Variants in GMDS observed in about 807,000 individuals in gnomAD.
GMDS encodes GDP-mannose 4,6-dehydratase.
Under a neutral mutation model 49.9 loss-of-function variants are expected in GMDS, and 20 were observed. The ratio of observed to expected loss-of-function variants is 0.40; its 90% CI spans 0.28 to 0.58. The LOEUF is 0.58. Among genes scored for constraint, GMDS ranks in the 20% least tolerant of loss-of-function variants. The pLI is 0.42. For missense variants in GMDS, 362 were observed against 481.4 expected (o/e 0.75, Z 2.32); for synonymous variants, 177 against 178.6 (o/e 0.99, Z 0.07).
chr6:2,067,665 A>T (rs1417221596), intron 4 of GMDS, among the ~76,000 whole-genome samples: 1 of 152,114 alleles, frequency 6.6e-6, no homozygotes, highest in African/African-American at 2.4e-5. Flanking sequence ...GAAAATCTAG[A>T]AGAAACAGAT....
intron 8 of GMDS, among the ~76,000 whole-genome samples, chr6:1,739,198 G>T (rs1418323574): frequency 6.6e-6 from 1 of 152,220 alleles, no homozygotes; most frequent in African/African-American, 2.4e-5. Flanking sequence ...GGAAAGAGGA[G>T]CGTCTTGGGT....
intron 9 of GMDS, among the ~76,000 whole-genome samples, chr6:1,699,818 G>A (rs973184035): frequency 6.6e-6 from 1 of 152,200 alleles, no homozygotes; most frequent in Non-Finnish European, 1.5e-5. Flanking sequence ...TTCCTTGGGG[G>A]TGGGGACATT....
chr6:2,243,589 G>C (rs1270594735), intron 1 of GMDS, among the ~76,000 whole-genome samples: 1 of 152,040 alleles, frequency 6.6e-6, no homozygotes, highest in East Asian at 1.9e-4. Flanking sequence ...CAAAGAGAAG[G>C]GGGAGGACAG....
chr6:1,641,410 A>G (rs1472004372), intron 9 of GMDS, among the ~76,000 whole-genome samples: 7 of 152,254 alleles, frequency 4.6e-5, no homozygotes, highest in Admixed American at 3.9e-4. Flanking sequence ...CAGAATGGAC[A>G]GGAAAAAAGC....
chr6:2,174,633 T>C (rs1219808436), intron 1 of GMDS, among the ~76,000 whole-genome samples: 1 of 152,080 alleles, frequency 6.6e-6, no homozygotes, highest in African/African-American at 2.4e-5. Flanking sequence ...GGTGGTGCGA[T>C]CTCGGCTCAC....
chr6:1,999,985 A>ATATATATAT lies in GMDS; in HGVS notation c.346-39028_346-39020dup, dbSNP rs1554144036. ...TATATATATATTATATATATATTTT[A>ATATATATAT]TATATATATATTATATATATATATT... On this transcript the variant is annotated intron_variant, in intron 4 of 10. Transcript: ENST00000380815. 2.7e-4 allele frequency among the ~76,000 whole-genome samples: 3 copies of ATATATATAT among 10,946 alleles called. No individual in the cohort carries two copies. The East Asian group carries it at 4.7e-3, about 17-fold the overall frequency. 7.2% of individuals were successfully genotyped at this position (10,946 alleles called of 152,430 possible).
chr6:1,852,652 T>C (rs964775304), intron 7 of GMDS, among the ~76,000 whole-genome samples: 5 of 152,134 alleles, frequency 3.3e-5, no homozygotes, highest in South Asian at 2.1e-4. Flanking sequence ...TTACTAACTA[T>C]CCTGAACTAT....
At chr6:1,900,931 C>T (rs1028977489) in intron 7 of GMDS, among the ~76,000 whole-genome samples, 4 of 152,202 alleles carry the variant, frequency 2.6e-5, no homozygotes, top group African/African-American at 9.7e-5. Context: ...GCCAACATGT[C>T]GCGCTAACTC....
chr6:2,057,565 A>C (rs1244114942), intron 4 of GMDS, among the ~76,000 whole-genome samples: 1 of 152,182 alleles, frequency 6.6e-6, no homozygotes, highest in Non-Finnish European at 1.5e-5. Flanking sequence ...ACCAATATCT[A>C]TTCTCAAAAT....
At chr6:2,187,570 A>G (rs773118979) in intron 1 of GMDS, among the ~76,000 whole-genome samples, 1 of 152,206 alleles carries the variant, frequency 6.6e-6, no homozygotes, top group Non-Finnish European at 1.5e-5. Flanking sequence ...ATCCACCATG[A>G]GATCCTATCC....
intron 7 of GMDS, among the ~76,000 whole-genome samples, chr6:1,881,043 T>C (rs1759338300): frequency 6.6e-6 from 1 of 152,154 alleles, no homozygotes; most frequent in African/African-American, 2.4e-5. Flanking sequence ...AAAAGTAAGA[T>C]CATTCCAGCA....
chr6:1,650,216 T>C (rs1763609749), intron 9 of GMDS, among the ~76,000 whole-genome samples: 1 of 152,142 alleles, frequency 6.6e-6, no homozygotes. Context: ...GAGTTTTAAC[T>C]TTCAGGGCAG....
chr6:1,628,061 T>C (rs1762896001), intron 9 of GMDS, among the ~76,000 whole-genome samples: 1 of 152,246 alleles, frequency 6.6e-6, no homozygotes, highest in African/African-American at 2.4e-5. Context: ...AGTTGTCCTT[T>C]AGCTGTACCA....
intron 1 of GMDS, among the ~76,000 whole-genome samples, chr6:2,177,524 C>T (rs1221305897): frequency 6.6e-6 from 1 of 152,078 alleles, no homozygotes; most frequent in Non-Finnish European, 1.5e-5. Flanking sequence ...TTCTGAAATG[C>T]CAGATTGGTT....
intron 4 of GMDS, among the ~76,000 whole-genome samples, chr6:2,052,852 A>G (rs1396380494): frequency 6.6e-6 from 1 of 152,198 alleles, no homozygotes. Context: ...AAGATAATAC[A>G]ATAAGACTGT....
At chr6:1,657,068 G>T (rs894961713) in intron 9 of GMDS, among the ~76,000 whole-genome samples, 4 of 152,172 alleles carry the variant, frequency 2.6e-5, no homozygotes, top group Non-Finnish European at 5.9e-5. Flanking sequence ...CAGCAAGAGG[G>T]TTTCTTTTGC....
intron 7 of GMDS, among the ~76,000 whole-genome samples, chr6:1,841,701 A>G (rs1485841960): frequency 6.6e-6 from 1 of 152,160 alleles, no homozygotes; most frequent in Non-Finnish European, 1.5e-5. Flanking sequence ...CTGTACAGGT[A>G]CAGGTAGGTG....
At chr6:1,655,484 CACACACACACAT>C (rs1162473247) in intron 9 of GMDS, among the ~76,000 whole-genome samples, 3,301 of 44,994 alleles carry the variant, frequency 0.073, 111 homozygotes, top group African/African-American at 0.17. Context: ...CTTACACACA[CACACACACACAT>C]ACACACACAC....
At chr6:1,980,974 A>G (rs1170773434) in intron 4 of GMDS, among the ~76,000 whole-genome samples, 1 of 152,212 alleles carries the variant, frequency 6.6e-6, no homozygotes, top group African/African-American at 2.4e-5. Flanking sequence ...ACAGAAATCA[A>G]GAAGTTCTTT....
Sources: gnomAD v4.1 joint callset for allele counts (sites outside exome capture counted in the v4.1 genomes callset) on GRCh38, gnomAD v4.1.1 for gene constraint, MANE v1.5 for transcripts, NCBI Gene and HGNC (gene_info 2026-07-23, HGNC 2026-07-21) for gene names.